The following ARVCF variants were observed in gnomAD, a reference collection of about 807,000 sequenced individuals.
ARVCF encodes splicing regulator ARVCF.
In ARVCF, 66 loss-of-function variants were observed where a neutral mutation model predicts 90.9. The ratio of observed to expected loss-of-function variants is 0.73; its 90% CI spans 0.60 to 0.89. The LOEUF (loss-of-function observed/expected upper bound fraction) is 0.89, where lower values mean the gene tolerates loss of function less well. Among genes scored for constraint, ARVCF ranks in the 40% least tolerant of loss-of-function variants. The pLI, the probability that ARVCF is intolerant of heterozygous loss-of-function variation, is 0.00. For missense variants in ARVCF, 1,469 were observed against 1,382.3 expected, an observed-to-expected ratio of 1.06 and a Z score of -1.00; for synonymous variants, 653 against 603.4, an observed-to-expected ratio of 1.08 and a Z score of -1.21.
chr22:19,980,790 T>C lies in ARVCF; in HGVS notation c.896+421A>G, dbSNP rs73387728. 1,069 of 197,358 alleles carry C rather than the reference T, an allele frequency of 5.4e-3. 9 individuals carry two copies. Among genetic ancestry groups the C allele is most frequent in the African/African-American group, 0.023 (1,006 of 43,120 alleles). 12.2% of individuals were successfully genotyped at this position (197,358 alleles called of 1,614,324 possible). A position where few individuals can be genotyped will look rare whatever the true frequency, so the allele number is the denominator to read the frequency against. ...GTTGCTGTCATCAAACCGCCTGCCC[T>C]GAGGCTAGGAGTGACGGTCAGGTGA... is the stretch of plus-strand genomic sequence containing the variant. On this transcript the variant is annotated intron_variant, in intron 5 of 19. Transcript: ENST00000263207.
chr22:20,006,208 AT>A (rs1411855076), intron 2 of ARVCF, among the ~76,000 whole-genome samples: 2 of 152,326 alleles, frequency 1.3e-5, no homozygotes, highest in East Asian at 3.9e-4. Context: ...ACACTACTGA[AT>A]TGTACACTTG....
chr22:19,985,584 T>C (rs961442453), intron 3 of ARVCF, among the ~76,000 whole-genome samples: 2 of 152,234 alleles, frequency 1.3e-5, no homozygotes, highest in Non-Finnish European at 1.5e-5. Context: ...AGTCTCACTT[T>C]TGTGGCAAAA....
At chr22:20,015,767 C>G (rs1337700472) in intron 1 of ARVCF, among the ~76,000 whole-genome samples, 2 of 152,206 alleles carry the variant, frequency 1.3e-5, no homozygotes. Context: ...CACGGGGCAC[C>G]TTTCTTTTCC....
chr22:19,980,618 A>C, intron 5 of ARVCF: 2 of 225,546 alleles, frequency 8.9e-6, no homozygotes, highest in Non-Finnish European at 8.6e-6. Context: ...CCCATCTTCC[A>C]TGAGGCCCAT....
intron 1 of ARVCF, among the ~76,000 whole-genome samples, chr22:20,015,590 A>G (rs753324419): frequency 6.6e-6 from 1 of 152,198 alleles, no homozygotes; most frequent in Non-Finnish European, 1.5e-5. Flanking sequence ...GTTAAGAAGT[A>G]GGAAGAAGTA....
In ARVCF at chr22:19,979,521, G is replaced by A. The variant is rs72556511; in HGVS notation, c.1396+222C>T. ...AGGCAGGAGGTGAGGGGACATGCCC[G>A]AGGGGCGCAGCGTCAGCCTCCCTGC... On this transcript the variant is annotated intron_variant, in intron 6 of 19. Transcript: ENST00000263207. The A allele has an allele frequency of 8.0e-4, 551 of 691,044 alleles. 1 individual carries two copies. The African/African-American group carries it at 8.8e-3, about 11-fold the overall frequency. The allele number at this position is 691,044 out of a possible 1,614,324, so 42.8% of individuals were successfully genotyped here.
chr22:19,990,395 TC>T (rs1420368808), intron 3 of ARVCF, among the ~76,000 whole-genome samples, 189 bp downstream of exon 3: 4 of 152,200 alleles, frequency 2.6e-5, no homozygotes, highest in Non-Finnish European at 5.9e-5. Flanking sequence ...TCCTGCCCAC[TC>T]TTCACATGGT....
At chr22:19,995,160 G>A (rs1181361999) in intron 2 of ARVCF, among the ~76,000 whole-genome samples, 1 of 152,062 alleles carries the variant, frequency 6.6e-6, no homozygotes, top group Non-Finnish European at 1.5e-5. Context: ...GAACAAGTGT[G>A]TGGACAGGAG....
chr22:19,968,903 G>C (rs550545168), downstream of ARVCF: 4 of 638,780 alleles, frequency 6.3e-6, no homozygotes, highest in South Asian at 7.2e-5. Flanking sequence ...TGCAACACTG[G>C]ATTGTTCTTT....
rs777475022 is a variant in ARVCF, at chr22:19,981,579, G to T, written c.528C>A (p.Ala176=). The T allele has an allele frequency of 6.2e-7, 1 of 1,605,914 alleles. No homozygotes were observed. Among genetic ancestry groups the T allele is most frequent in the South Asian group, 1.1e-5 (1 of 90,852 alleles). Residue 176 remains alanine (A), a synonymous_variant, in exon 5 of 20, where the codon GCC becomes GCA. Coordinates refer to ENST00000263207, the MANE Select transcript of ARVCF (RefSeq NM_001670.3). ...HFLLRGGGPV[A]TLSRAYLSSG... ...TGCTGAGGTAGGCTCGAGAGAGTGT[G>T]GCCACTGGGCCACCACCACGCAGCA...
chr22:19,968,516 A>T (rs1365043701), downstream of ARVCF: 3 of 1,598,356 alleles, frequency 1.9e-6, no homozygotes, highest in Non-Finnish European at 2.6e-6. Flanking sequence ...CACCTCCCCC[A>T]CCCCCCGGTC....
rs1011206573 is a variant in ARVCF, at chr22:20,013,024, C to T, written c.-72-2516G>A. Among the ~76,000 whole-genome samples, 7 of 152,268 alleles carry T rather than the reference C, an allele frequency of 4.6e-5. No individual in the cohort carries two copies. The South Asian group carries it at 6.2e-4, about 13-fold the overall frequency. ...AGGCCACCCCCTCCCCAAGTCTCCT[C>T]GCTTCCTGCTCTATGAGCGCGAGGT... On this transcript the variant is annotated intron_variant, in intron 1 of 19. Coordinates refer to ENST00000263207, the MANE Select transcript of ARVCF (RefSeq NM_001670.3).
intron 3 of ARVCF, among the ~76,000 whole-genome samples, chr22:19,990,255 G>A (rs1277210211): frequency 6.6e-6 from 1 of 152,216 alleles, no homozygotes; most frequent in Non-Finnish European, 1.5e-5. Flanking sequence ...CTGTGGCAGG[G>A]TTAGGCATGG....
intron 5 of ARVCF, 188 bp downstream of exon 5, chr22:19,981,023 T>C: frequency 1.4e-6 from 1 of 715,956 alleles, no homozygotes; most frequent in Non-Finnish European, 2.2e-6. Flanking sequence ...TGCAGGACAG[T>C]GCCCAGCCGA....
In ARVCF at chr22:19,990,564, C is replaced by T. The variant is rs762645477; in HGVS notation, c.210+21G>A. ...TTCCCACTTGGCAATTTTCACCCTT[C>T]CCAAGTCACTAGGCTGTTACCTGGA... On this transcript the variant is annotated intron_variant, in intron 3 of 19. Coordinates refer to ENST00000263207, the MANE Select transcript of ARVCF (RefSeq NM_001670.3). 1.1e-5 allele frequency: 17 copies of T among 1,591,488 alleles called. No individual in the cohort carries two copies. The South Asian group carries it at 1.6e-4, about 15-fold the overall frequency.
Position 20,007,658 on chromosome 22 carries a change from G to A in ARVCF, c.-19+2797C>T, listed in dbSNP as rs191027076. Among the ~76,000 whole-genome samples the A allele has an allele frequency of 1.6e-4, 24 of 152,292 alleles. No homozygotes were observed. In the East Asian group the frequency reaches 3.3e-3, roughly 21 times the overall value. ...AGTGGGAGTGGATTTGTTATCTCGG[G>A]AGCAGGTTACTGATAAAAGGATGGG... On this transcript the variant is annotated intron_variant, in intron 2 of 19. Coordinates refer to ENST00000263207, the MANE Select transcript of ARVCF (RefSeq NM_001670.3).
chr22:19,998,541 G>A (rs949950460), intron 2 of ARVCF, among the ~76,000 whole-genome samples: 8 of 152,316 alleles, frequency 5.3e-5, no homozygotes, highest in Admixed American at 2.0e-4. Context: ...TGGATGAGCC[G>A]GACAGCCCAG....
downstream of ARVCF, chr22:19,969,880 G>A (rs1942648387): frequency 1.6e-5 from 16 of 985,410 alleles, no homozygotes; most frequent in Non-Finnish European, 1.9e-5. Flanking sequence ...AGACCTGAGT[G>A]GCAGAAAGCA....
chr22:20,012,085 C>CG (rs554090670), intron 1 of ARVCF, among the ~76,000 whole-genome samples: 7,267 of 140,616 alleles, frequency 0.052, 245 homozygotes, highest in South Asian at 0.1. Context: ...AAAGTCCCCC[C>CG]CCCCCACCCA....
Sources: gnomAD v4.1 joint callset for allele counts (sites outside exome capture counted in the v4.1 genomes callset) on GRCh38, gnomAD v4.1.1 for gene constraint, MANE v1.5 for transcripts, NCBI Gene and HGNC (gene_info 2026-07-23, HGNC 2026-07-21) for gene names.